Variants in PTPN14 observed in about 807,000 individuals in gnomAD.
PTPN14 encodes tyrosine-protein phosphatase non-receptor type 14.
A neutral mutation model predicts 126.8 loss-of-function variants in PTPN14; 53 were observed. The ratio of observed to expected loss-of-function variants is 0.42; its 90% CI spans 0.34 to 0.53. The LOEUF is 0.53. Ranked by LOEUF, PTPN14 falls within the 20% of genes least tolerant of loss-of-function variation. PTPN14 has a pLI of 0.08. For missense variants in PTPN14, 1,257 were observed against 1,552.9 expected, an observed-to-expected ratio of 0.81 and a Z score of 3.20; for synonymous variants, 630 against 599.3, an observed-to-expected ratio of 1.05 and a Z score of -0.75.
intron 4 of PTPN14, among the ~76,000 whole-genome samples, chr1:214,413,462 A>G (rs1659354991): frequency 6.6e-6 from 1 of 152,210 alleles, no homozygotes; most frequent in Non-Finnish European, 1.5e-5. Context: ...GCCTCTTCAG[A>G]CACTTAAATC....
intron 2 of PTPN14, among the ~76,000 whole-genome samples, chr1:214,461,469 C>T (rs1477740472): frequency 6.6e-6 from 1 of 151,604 alleles, no homozygotes; most frequent in African/African-American, 2.4e-5. Flanking sequence ...CCCATCCGTA[C>T]AAAAAATTTA....
At chr1:214,392,019 C>T (rs773193145) in intron 10 of PTPN14, among the ~76,000 whole-genome samples, 2 of 152,126 alleles carry the variant, frequency 1.3e-5, no homozygotes, top group Admixed American at 6.5e-5. Context: ...AAATCAATAA[C>T]GATCTTTTAG....
At chr1:214,479,310 C>T (rs1660932410) in intron 1 of PTPN14, among the ~76,000 whole-genome samples, 1 of 151,324 alleles carries the variant, frequency 6.6e-6, no homozygotes, top group African/African-American at 2.4e-5. Context: ...CATCACTGCC[C>T]TCCAACTGGG....
intron 2 of PTPN14, among the ~76,000 whole-genome samples, chr1:214,455,644 C>CA (rs1660365852): frequency 6.6e-6 from 1 of 152,154 alleles, no homozygotes; most frequent in African/African-American, 2.4e-5. Context: ...GAACCACTTA[C>CA]AAAAAATGCA....
chr1:214,390,615 G>A (rs918012295), intron 11 of PTPN14, among the ~76,000 whole-genome samples: 3 of 151,994 alleles, frequency 2.0e-5, no homozygotes, highest in Non-Finnish European at 2.9e-5. Flanking sequence ...CTCTCTCTAC[G>A]GCAGTGAACA....
At chr1:214,474,899 T>C (rs954886722) in intron 1 of PTPN14, among the ~76,000 whole-genome samples, 4 of 152,232 alleles carry the variant, frequency 2.6e-5, no homozygotes, top group Non-Finnish European at 5.9e-5. Flanking sequence ...ACTTAGAACA[T>C]GCAGGTTTTC....
At chr1:214,473,396 T>C (rs1455140315) in intron 1 of PTPN14, among the ~76,000 whole-genome samples, 1 of 152,260 alleles carries the variant, frequency 6.6e-6, no homozygotes, top group African/African-American at 2.4e-5. Flanking sequence ...ATCCTAAACA[T>C]GGTCACCGCA....
Position 214,365,344 on chromosome 1 carries a change from A to T in PTPN14, c.3272-669T>A, listed in dbSNP as rs568807591. Among the ~76,000 whole-genome samples, 17 of 152,264 alleles carry T rather than the reference A, an allele frequency of 1.1e-4. No homozygotes were observed. The East Asian group carries it at 3.3e-3, about 29-fold the overall frequency. On this transcript the variant is annotated intron_variant, in intron 17 of 18. Transcript: ENST00000366956. ...CCTTCTAGCATCTGCTTGGCTCAGC[A>T]GGGCTGTGCAGGGAGGGGTGCGTTC...
chr1:214,391,659 A>T (rs976850158), intron 10 of PTPN14, among the ~76,000 whole-genome samples: 6 of 151,128 alleles, frequency 4.0e-5, no homozygotes, highest in African/African-American at 1.5e-4. Flanking sequence ...TTCAAGCAAC[A>T]GGTCCCAAAT....
chr1:214,392,898 G>A (rs1013149806), intron 10 of PTPN14, among the ~76,000 whole-genome samples: 6 of 152,132 alleles, frequency 3.9e-5, no homozygotes, highest in Non-Finnish European at 7.3e-5. Context: ...ACATACTCTC[G>A]GATGTGTCCA....
intron 2 of PTPN14, among the ~76,000 whole-genome samples, chr1:214,454,806 A>G (rs1660347168): frequency 6.6e-6 from 1 of 152,220 alleles, no homozygotes; most frequent in South Asian, 2.1e-4. Context: ...CCAGTGAAAT[A>G]ATTACATAAC....
At chr1:214,445,028 G>A (rs996164222) in intron 3 of PTPN14, among the ~76,000 whole-genome samples, 7 of 152,126 alleles carry the variant, frequency 4.6e-5, no homozygotes, top group African/African-American at 1.7e-4. Flanking sequence ...TCCCAGACAG[G>A]AACTATCTTT....
chr1:214,372,968 G>T, intron 15 of PTPN14, 129 bp from the exon 16 acceptor site: 1 of 1,309,198 alleles, frequency 7.6e-7, no homozygotes, highest in Non-Finnish European at 1.0e-6. Flanking sequence ...TTAGTTCAAT[G>T]AACAAAAACC....
At chr1:214,518,817 A>C (rs1466147274) in intron 1 of PTPN14, among the ~76,000 whole-genome samples, 1 of 152,104 alleles carries the variant, frequency 6.6e-6, no homozygotes, top group Non-Finnish European at 1.5e-5. Context: ...TACGCTACCC[A>C]AAAAAAAGTC....
intron 3 of PTPN14, among the ~76,000 whole-genome samples, chr1:214,420,250 A>G (rs552462602): frequency 1.3e-5 from 2 of 152,378 alleles, no homozygotes; most frequent in Admixed American, 1.3e-4. Context: ...AGGCTTTTTC[A>G]TACTATAAGC....
At position 214,350,364 on chromosome 1, in the gene PTPN14, C is replaced by T. The variant is rs1232268674; in HGVS notation, c.*7558G>A. On this transcript the variant is annotated 3_prime_UTR_variant, in exon 19 of 19. Coordinates refer to ENST00000366956, the MANE Select transcript of PTPN14 (RefSeq NM_005401.5). ...TCTCTCAATCTATATAAGTTCACCT[C>T]GAAATACATATTAAGTACTGCTGTC... is the stretch of plus-strand genomic sequence containing the variant. The T allele has an allele frequency of 3.9e-5, 6 of 152,092 alleles. No homozygotes were observed. Among genetic ancestry groups the T allele is most frequent in the Non-Finnish European group, 5.9e-5 (4 of 68,016 alleles). 9.4% of individuals were successfully genotyped at this position (152,092 alleles called of 1,614,324 possible). A position where few individuals can be genotyped will look rare whatever the true frequency, so the allele number is the denominator to read the frequency against.
Position 214,533,437 on chromosome 1 carries a change from C to G in PTPN14, c.-155+17746G>C, listed in dbSNP as rs1571652843. ...CGCAAAGTGAGTGGCAAAGTGGTGT[C>G]TCAGTCCAACGACACTAAAGTTCTG... is the stretch of plus-strand genomic sequence containing the variant. On this transcript the variant is annotated intron_variant, in intron 1 of 18. Transcript: ENST00000366956. The G allele has an allele frequency of 1.2e-5, 5 of 422,316 alleles. No homozygotes were observed. The East Asian group carries it at 3.0e-4, about 25-fold the overall frequency. The allele number at this position is 422,316 out of a possible 1,614,324, so 26.2% of individuals were successfully genotyped here.
At chr1:214,424,803 C>T (rs775594651) in intron 3 of PTPN14, among the ~76,000 whole-genome samples, 70 of 152,194 alleles carry the variant, frequency 4.6e-4, no homozygotes, top group Non-Finnish European at 7.4e-5. Flanking sequence ...CATGCCTTGG[C>T]CTTCCAAAGT....
intron 5 of PTPN14, among the ~76,000 whole-genome samples, chr1:214,411,294 G>C (rs972027021): frequency 2.0e-5 from 3 of 152,008 alleles, no homozygotes; most frequent in Non-Finnish European, 4.4e-5. Context: ...GAAATAAAAA[G>C]CAGCCAAATG....
Sources: gnomAD v4.1 joint callset for allele counts (sites outside exome capture counted in the v4.1 genomes callset) on GRCh38, gnomAD v4.1.1 for gene constraint, MANE v1.5 for transcripts, NCBI Gene and HGNC (gene_info 2026-07-23, HGNC 2026-07-21) for gene names.